The following NAF1 variants were observed in gnomAD, a reference collection of about 807,000 sequenced individuals.
NAF1 encodes H/ACA ribonucleoprotein complex non-core subunit NAF1.
A neutral mutation model predicts 40.6 loss-of-function variants in NAF1; 11 were observed. The observed-to-expected ratio is 0.27, with a 90% CI of 0.17 to 0.45. NAF1 has a LOEUF of 0.45. Among genes scored for constraint, NAF1 ranks in the 20% least tolerant of loss-of-function variants. The pLI is 1.00. For missense variants in NAF1, 607 were observed against 611.1 expected (o/e 0.99, Z 0.07); for synonymous variants, 260 against 228.5 (o/e 1.14, Z -1.24).
downstream of NAF1, chr4:163,126,851 C>G (rs1466778176): frequency 2.2e-6 from 3 of 1,353,536 alleles, no homozygotes; most frequent in Non-Finnish European, 2.9e-6. Flanking sequence ...GCCAACAGCA[C>G]TTGAGTCCAG....
downstream of NAF1, among the ~76,000 whole-genome samples, chr4:163,108,052 A>T (rs1162541302): frequency 1.3e-5 from 2 of 152,238 alleles, no homozygotes; most frequent in African/African-American, 4.8e-5. Context: ...TTAGCTTGCT[A>T]GAGTGTGGAA....
rs17043373 is a variant in NAF1, at chr4:163,121,412, C to G, written c.115-11122G>C. Among the ~76,000 whole-genome samples, 786 of 152,166 alleles carry G rather than the reference C, an allele frequency of 5.2e-3. 4 individuals carry two copies. The highest frequency in any genetic ancestry group is 0.018 in the African/African-American group (752 of 41,518). Reference sequence around the variant, plus strand: ...CTGGCAATTTATCTGCAGAAAAGGACACAAATATGTGCATTTTTTTCTTTT... The same window carrying G: ...CTGGCAATTTATCTGCAGAAAAGGAGACAAATATGTGCATTTTTTTCTTTT... On this transcript the variant is annotated intron_variant, in intron 2 of 2. Coordinates refer to the NAF1 transcript ENST00000509434.
intron 2 of NAF1, among the ~76,000 whole-genome samples, chr4:163,115,609 C>A (rs1023282147): frequency 6.6e-6 from 1 of 151,712 alleles, no homozygotes; most frequent in East Asian, 1.9e-4. Context: ...ATTTTTATTT[C>A]TTTAATTAAG....
intron 6 of NAF1, chr4:163,136,412 T>C (rs1471824149): frequency 2.0e-5 from 3 of 150,996 alleles, no homozygotes; most frequent in East Asian, 3.9e-4. Flanking sequence ...AAAACTCTCA[T>C]GTATAATTTT....
intron 5 of NAF1, among the ~76,000 whole-genome samples, chr4:163,139,840 A>T (rs1731188887): frequency 6.6e-6 from 1 of 152,124 alleles, no homozygotes; most frequent in Admixed American, 6.6e-5. Context: ...ATTGAAGAGC[A>T]AGGCCCCTAA....
chr4:163,126,696 A>T (rs1730665630), downstream of NAF1: 1 of 209,460 alleles, frequency 4.8e-6, no homozygotes, highest in South Asian at 1.2e-4. Flanking sequence ...TCAAAGTTTT[A>T]CAGAGAATAA....
chr4:163,164,168 A>C, intron 2 of NAF1, 49 bp downstream of exon 2: 2 of 1,441,718 alleles, frequency 1.4e-6, no homozygotes, highest in Non-Finnish European at 1.8e-6. Context: ...CTGGTACCAG[A>C]ATACGTTTTA....
intron 3 of NAF1, 88 bp from the exon 4 acceptor site, chr4:163,145,952 T>TA (rs1731448889): frequency 8.3e-4 from 598 of 720,432 alleles, no homozygotes; most frequent in Middle Eastern, 1.2e-3. Context: ...CCAACATAAT[T>TA]TAAAAAAAAA....
intron 3 of NAF1, 68 bp from the exon 4 acceptor site, chr4:163,145,932 A>G: frequency 1.2e-6 from 1 of 835,014 alleles, no homozygotes; most frequent in Non-Finnish European, 1.9e-6. Flanking sequence ...TGAAAATCTA[A>G]GCTTTAATTC....
intron 4 of NAF1, chr4:163,141,966 T>C: frequency 2.1e-6 from 2 of 968,916 alleles, no homozygotes; most frequent in Non-Finnish European, 2.5e-6. Flanking sequence ...ATATGTGTAC[T>C]CTAAAAAGAA....
chr4:163,150,255 A>G (rs1202161515), intron 2 of NAF1, among the ~76,000 whole-genome samples: 1 of 152,144 alleles, frequency 6.6e-6, no homozygotes, highest in Non-Finnish European at 1.5e-5. Flanking sequence ...AAAGTAAAAA[A>G]GTAAAACATG....
chr4:163,112,185 T>TGG (rs150280658), intron 2 of NAF1, among the ~76,000 whole-genome samples: 6 of 151,138 alleles, frequency 4.0e-5, no homozygotes, highest in African/African-American at 1.5e-4. Context: ...AAAAAATGAT[T>TGG]GGGGGGGGAG....
At chr4:163,157,973 AAG>A (rs1335063830) in intron 2 of NAF1, among the ~76,000 whole-genome samples, 1 of 152,146 alleles carries the variant, frequency 6.6e-6, no homozygotes, top group Non-Finnish European at 1.5e-5. Context: ...TTGAGCAAAA[AAG>A]AGTATCAGTA....
chr4:163,115,799 T>C (rs1730319201), intron 2 of NAF1, among the ~76,000 whole-genome samples: 1 of 152,206 alleles, frequency 6.6e-6, no homozygotes. Flanking sequence ...AATAGGAAAT[T>C]ACTACTGAAA....
intron 2 of NAF1, among the ~76,000 whole-genome samples, chr4:163,155,053 C>T (rs886740674): frequency 3.3e-5 from 5 of 152,102 alleles, no homozygotes; most frequent in Non-Finnish European, 5.9e-5. Flanking sequence ...GTACAAAAAG[C>T]GATTTCCTTT....
At chr4:163,148,598 T>C (rs558699208) in intron 2 of NAF1, among the ~76,000 whole-genome samples, 164 bp from the exon 3 acceptor site, 4 of 152,212 alleles carry the variant, frequency 2.6e-5, no homozygotes, top group Non-Finnish European at 4.4e-5. Flanking sequence ...GTGATAGCAC[T>C]TCTCTCCCTC....
downstream of NAF1, among the ~76,000 whole-genome samples, chr4:163,107,612 C>T (rs571480798): frequency 2.6e-5 from 4 of 152,146 alleles, no homozygotes; most frequent in East Asian, 1.9e-4. Flanking sequence ...CTACATTGCT[C>T]GACTATTTTA....
At chr4:163,158,787 C>G (rs943057170) in intron 2 of NAF1, among the ~76,000 whole-genome samples, 3 of 152,060 alleles carry the variant, frequency 2.0e-5, no homozygotes, top group Non-Finnish European at 4.4e-5. Context: ...CTTTAAGACA[C>G]TGATTTTATA....
At chr4:163,127,107 T>C (rs190287755), downstream of NAF1, 35 of 1,551,084 alleles carry the variant, frequency 2.3e-5, no homozygotes, top group East Asian at 2.0e-4. Flanking sequence ...CTGTGAGATA[T>C]ACCTGTACCT....
Sources: gnomAD v4.1 joint callset for allele counts (sites outside exome capture counted in the v4.1 genomes callset) on GRCh38, gnomAD v4.1.1 for gene constraint, MANE v1.5 for transcripts, NCBI Gene and HGNC (gene_info 2026-07-23, HGNC 2026-07-21) for gene names.